The following TAFA1 variants were observed in gnomAD, a reference collection of about 807,000 sequenced individuals.
TAFA1 encodes the protein chemokine-like protein TAFA-1.
In TAFA1, 4 loss-of-function variants were observed where a neutral mutation model predicts 18.5. That is an observed-to-expected ratio of 0.22 (90% CI 0.11 to 0.49). The LOEUF (loss-of-function observed/expected upper bound fraction) is 0.49, where lower values mean the gene tolerates loss of function less well. Ranked by LOEUF, TAFA1 falls within the 20% of genes least tolerant of loss-of-function variation. The pLI is 0.98. For missense variants in TAFA1, 147 were observed against 169.0 expected, an observed-to-expected ratio of 0.87 and a Z score of 0.72; for synonymous variants, 56 against 55.2, an observed-to-expected ratio of 1.01 and a Z score of -0.06.
At chr3:68,284,679 G>A (rs2067963664) in intron 2 of TAFA1, among the ~76,000 whole-genome samples, 1 of 152,040 alleles carries the variant, frequency 6.6e-6, no homozygotes, top group South Asian at 2.1e-4. Context: ...TGTAAACTCA[G>A]CATTTTGGGA....
chr3:68,171,258 G>T (rs1050500505), intron 2 of TAFA1, among the ~76,000 whole-genome samples: 1 of 22,678 alleles, frequency 4.4e-5, no homozygotes, highest in African/African-American at 1.0e-4. Context: ...TGACTTAGAA[G>T]ATAGAATGGG....
chr3:68,155,202 G>A (rs17047218), intron 2 of TAFA1, among the ~76,000 whole-genome samples: 6,954 of 152,190 alleles, frequency 0.046, 187 homozygotes, highest in East Asian at 0.091. Flanking sequence ...ACGTACAGCA[G>A]ACTCCAAATC....
chr3:68,447,972 C>T (rs1406722557), intron 3 of TAFA1, among the ~76,000 whole-genome samples: 1 of 152,106 alleles, frequency 6.6e-6, no homozygotes, highest in Non-Finnish European at 1.5e-5. Flanking sequence ...AATAAAGCAC[C>T]AAGGTTAAAT....
chr3:68,223,425 T>G (rs2066756640), intron 2 of TAFA1, among the ~76,000 whole-genome samples: 2 of 152,188 alleles, frequency 1.3e-5, no homozygotes, highest in Non-Finnish European at 2.9e-5. Flanking sequence ...AACTAAGTCA[T>G]AGAAATAAAA....
upstream of TAFA1, among the ~76,000 whole-genome samples, chr3:68,002,007 C>T (rs967792959): frequency 4.6e-5 from 7 of 152,164 alleles, no homozygotes; most frequent in African/African-American, 1.7e-4. Context: ...TGACACCTCA[C>T]TGGCTGAACC....
intron 2 of TAFA1, among the ~76,000 whole-genome samples, chr3:68,084,835 A>T (rs1575608468): frequency 6.6e-6 from 1 of 151,940 alleles, no homozygotes; most frequent in African/African-American, 2.4e-5. Flanking sequence ...AATAACAAAA[A>T]GTAGCCCCCA....
At chr3:68,250,287 G>A (rs530410029) in intron 2 of TAFA1, among the ~76,000 whole-genome samples, 12 of 152,234 alleles carry the variant, frequency 7.9e-5, no homozygotes, top group South Asian at 2.1e-4. Flanking sequence ...TACTGTTTAC[G>A]CATTTGGGCT....
At chr3:68,104,872 C>T (rs1016167131) in intron 2 of TAFA1, among the ~76,000 whole-genome samples, 3 of 152,032 alleles carry the variant, frequency 2.0e-5, no homozygotes, top group African/African-American at 7.2e-5. Flanking sequence ...TAGCAGTCTG[C>T]TTTTGCATTG....
intron 2 of TAFA1, among the ~76,000 whole-genome samples, chr3:68,050,706 A>C (rs1291959737): frequency 1.3e-5 from 2 of 152,168 alleles, no homozygotes; most frequent in African/African-American, 4.8e-5. Flanking sequence ...TCAGCTTCTA[A>C]AGCAAGGGTC....
In TAFA1 at chr3:68,251,991, A is replaced by T. The variant is rs538232669; in HGVS notation, c.119-165289A>T. Among the ~76,000 whole-genome samples, 3 of 152,338 alleles carry T rather than the reference A, an allele frequency of 2.0e-5. No homozygotes were observed. In the East Asian group the frequency reaches 5.8e-4, roughly 29 times the overall value. ...TGCAGTTCCCAAGGCTCAGTCATTT[A>T]TAATCACAGCCCAGCTTCTCAGTCA... On this transcript the variant is annotated intron_variant, in intron 2 of 4. Transcript: ENST00000478136.
intron 2 of TAFA1, among the ~76,000 whole-genome samples, chr3:68,395,997 G>C (rs1443562557): frequency 2.0e-5 from 3 of 151,948 alleles, no homozygotes. Flanking sequence ...GTGTTTGAGA[G>C]TGTCTGTGTC....
chr3:68,307,208 C>T (rs1280289379), intron 2 of TAFA1, among the ~76,000 whole-genome samples: 2 of 152,120 alleles, frequency 1.3e-5, no homozygotes, highest in Non-Finnish European at 2.9e-5. Context: ...GACCAAAGTC[C>T]ATTTTATAAT....
intron 2 of TAFA1, among the ~76,000 whole-genome samples, chr3:68,069,893 TG>T (rs1272190289): frequency 6.6e-6 from 1 of 152,152 alleles, no homozygotes; most frequent in Non-Finnish European, 1.5e-5. Flanking sequence ...ATGCAAGAGG[TG>T]GGTTCCCATG....
At chr3:68,386,683 T>A (rs1235141822) in intron 2 of TAFA1, among the ~76,000 whole-genome samples, 1 of 152,192 alleles carries the variant, frequency 6.6e-6, no homozygotes, top group Non-Finnish European at 1.5e-5. Flanking sequence ...GTGTAGCTGA[T>A]GAATTAGTTT....
At chr3:68,080,285 T>C in intron 2 of TAFA1, among the ~76,000 whole-genome samples, 1 of 152,228 alleles carries the variant, frequency 6.6e-6, no homozygotes, top group South Asian at 2.1e-4. Context: ...AGTCTGTGTC[T>C]TTTAATTGGA....
In TAFA1 at chr3:68,473,560, G is replaced by T. The variant is rs150269530; in HGVS notation, c.259+56140G>T. Among the ~76,000 whole-genome samples, 401 of 152,150 alleles carry T rather than the reference G, an allele frequency of 2.6e-3. 2 individuals carry two copies. Among genetic ancestry groups the T allele is most frequent in the African/African-American group, 9.1e-3 (377 of 41,516 alleles). On this transcript the variant is annotated intron_variant, in intron 3 of 4. Transcript: ENST00000478136. ...CATTATTTCCATCATGAAACTTGCT[G>T]CCAGAGAGCAACAGCCTTGTTGTTT...
chr3:68,339,998 C>T (rs906122837), intron 2 of TAFA1, among the ~76,000 whole-genome samples: 6 of 152,184 alleles, frequency 3.9e-5, no homozygotes, highest in Admixed American at 3.3e-4. Flanking sequence ...AGTTTCCTAT[C>T]CTTTTTATTT....
rs376288094 is a variant in TAFA1 at position 68,376,014 on chromosome 3, A to G, written c.119-41266A>G. Among the ~76,000 whole-genome samples the G allele has an allele frequency of 6.6e-5, 10 of 152,288 alleles. No homozygotes were observed. In the East Asian group the frequency reaches 1.9e-3, roughly 29 times the overall value. On this transcript the variant is annotated intron_variant, in intron 2 of 4. Coordinates refer to ENST00000478136, the MANE Select transcript of TAFA1 (RefSeq NM_213609.4). ...AATTAAGTGATGTTTTTCATTGACC[A>G]TCTACTCTGTTTTAAACTTTATCTA... is the stretch of plus-strand genomic sequence containing the variant.
chr3:68,468,140 A>G (rs2071925595), intron 3 of TAFA1, among the ~76,000 whole-genome samples: 1 of 152,182 alleles, frequency 6.6e-6, no homozygotes, highest in African/African-American at 2.4e-5. Flanking sequence ...ACAGAAAACC[A>G]AGAGATAGTG....
Sources: gnomAD v4.1 joint callset for allele counts (sites outside exome capture counted in the v4.1 genomes callset) on GRCh38, gnomAD v4.1.1 for gene constraint, MANE v1.5 for transcripts, NCBI Gene and HGNC (gene_info 2026-07-23, HGNC 2026-07-21) for gene names.